Variants in TMEM132D observed in about 807,000 individuals in gnomAD.
TMEM132D encodes mature OL transmembrane protein.
Under a neutral mutation model 62.3 loss-of-function variants are expected in TMEM132D, and 21 were observed. The observed-to-expected ratio is 0.34, with a 90% CI of 0.24 to 0.49. The LOEUF (loss-of-function observed/expected upper bound fraction) is 0.49, where lower values mean the gene tolerates loss of function less well. Ranked by LOEUF, TMEM132D falls within the 20% of genes least tolerant of loss-of-function variation. TMEM132D has a pLI of 0.99. For synonymous variants in TMEM132D, 621 were observed against 575.6 expected, an observed-to-expected ratio of 1.08 and a Z score of -1.13; for missense variants, 1,346 against 1,402.8, an observed-to-expected ratio of 0.96 and a Z score of 0.65.
At chr12:129,801,389 C>A (rs1179548942) in intron 1 of TMEM132D, among the ~76,000 whole-genome samples, 5 of 151,526 alleles carry the variant, frequency 3.3e-5, no homozygotes, top group Non-Finnish European at 5.9e-5. Flanking sequence ...CCCTGACCCC[C>A]GAGCAGCCTA....
chr12:129,823,434 G>A (rs138302797), intron 1 of TMEM132D, among the ~76,000 whole-genome samples: 11 of 152,326 alleles, frequency 7.2e-5, no homozygotes, highest in Middle Eastern at 3.4e-3. Flanking sequence ...GGCGCAGTAC[G>A]CCCCTTTCAT....
At chr12:129,099,521 T>C (rs1306595226) in intron 5 of TMEM132D, among the ~76,000 whole-genome samples, 1 of 152,188 alleles carries the variant, frequency 6.6e-6, no homozygotes, top group East Asian at 1.9e-4. Context: ...GAAGCCAGCC[T>C]CTGTGTCATG....
intron 3 of TMEM132D, among the ~76,000 whole-genome samples, chr12:129,515,622 T>C (rs1875650403): frequency 6.6e-6 from 1 of 152,210 alleles, no homozygotes; most frequent in Admixed American, 6.5e-5. Flanking sequence ...CATAAAGGAA[T>C]TCTCTGACCT....
intron 2 of TMEM132D, among the ~76,000 whole-genome samples, chr12:129,542,878 T>A (rs1205793270): frequency 6.6e-6 from 1 of 152,072 alleles, no homozygotes; most frequent in Non-Finnish European, 1.5e-5. Flanking sequence ...TTTACCATTG[T>A]GTTACAGTTA....
At chr12:129,230,945 C>T (rs1334487773) in intron 4 of TMEM132D, among the ~76,000 whole-genome samples, 1 of 152,218 alleles carries the variant, frequency 6.6e-6, no homozygotes, top group African/African-American at 2.4e-5. Context: ...AGCCACTTCC[C>T]TCCATTCCAT....
chr12:129,266,539 C>A (rs996981224), intron 4 of TMEM132D, among the ~76,000 whole-genome samples: 1 of 148,382 alleles, frequency 6.7e-6, no homozygotes, highest in African/African-American at 2.5e-5. Context: ...CCCCTCTCCT[C>A]TCTATCCTTC....
At chr12:129,578,759 C>T (rs994553814) in intron 2 of TMEM132D, among the ~76,000 whole-genome samples, 5 of 152,052 alleles carry the variant, frequency 3.3e-5, no homozygotes, top group Admixed American at 6.5e-5. Context: ...GGGCAGGAGA[C>T]GACTGATGTC....
At chr12:129,481,039 T>C (rs999705664) in intron 3 of TMEM132D, among the ~76,000 whole-genome samples, 1 of 151,954 alleles carries the variant, frequency 6.6e-6, no homozygotes, top group Admixed American at 6.6e-5. Context: ...CACACAGGAA[T>C]GTGAATCAGC....
At chr12:129,680,712 G>A (rs1250220440) in intron 2 of TMEM132D, among the ~76,000 whole-genome samples, 1 of 152,196 alleles carries the variant, frequency 6.6e-6, no homozygotes, top group South Asian at 2.1e-4. Context: ...TAGTTACAGA[G>A]GTGCTGGAAT....
chr12:129,762,034 G>T (rs542765315), intron 1 of TMEM132D, among the ~76,000 whole-genome samples: 2 of 152,266 alleles, frequency 1.3e-5, no homozygotes, highest in Admixed American at 6.5e-5. Flanking sequence ...ACTCCAGCCT[G>T]CAGATAAAGA....
chr12:129,592,747 C>T (rs1878228972), intron 2 of TMEM132D, among the ~76,000 whole-genome samples: 2 of 152,084 alleles, frequency 1.3e-5, no homozygotes. Flanking sequence ...ACAGTGTGTG[C>T]TATGTGAACG....
At chr12:129,354,828 G>A (rs1041135436) in intron 3 of TMEM132D, among the ~76,000 whole-genome samples, 1 of 152,174 alleles carries the variant, frequency 6.6e-6, no homozygotes, top group Non-Finnish European at 1.5e-5. Context: ...ACAGCAGAAT[G>A]TCCACTCTTG....
chr12:129,143,366 C>A (rs955329714), intron 5 of TMEM132D, among the ~76,000 whole-genome samples: 1 of 152,162 alleles, frequency 6.6e-6, no homozygotes. Flanking sequence ...AGCTTTCATG[C>A]TTTCCCAGGA....
chr12:129,644,965 G>A (rs1166308759), intron 2 of TMEM132D, among the ~76,000 whole-genome samples: 1 of 126,824 alleles, frequency 7.9e-6, no homozygotes, highest in African/African-American at 3.0e-5. Flanking sequence ...CAGCCTGGGT[G>A]ACAGAGCAAT....
chr12:129,551,692 A>C (rs1366097620), intron 2 of TMEM132D, among the ~76,000 whole-genome samples: 1 of 151,620 alleles, frequency 6.6e-6, no homozygotes. Flanking sequence ...CCAAACACAA[A>C]CCTCTCTCTT....
intron 3 of TMEM132D, among the ~76,000 whole-genome samples, chr12:129,448,344 A>C (rs947544046): frequency 1.3e-5 from 2 of 152,072 alleles, no homozygotes; most frequent in Non-Finnish European, 2.9e-5. Context: ...AGTACCCACT[A>C]GTTATTTTTC....
At chr12:129,223,347 A>G (rs1027215025) in intron 4 of TMEM132D, among the ~76,000 whole-genome samples, 1 of 152,076 alleles carries the variant, frequency 6.6e-6, no homozygotes. Flanking sequence ...TGCTCTTGGA[A>G]CTCAGTCACC....
intron 3 of TMEM132D, among the ~76,000 whole-genome samples, chr12:129,360,550 G>A (rs940556469): frequency 1.3e-5 from 2 of 152,158 alleles, no homozygotes; most frequent in Admixed American, 6.5e-5. Context: ...ATGGGATAGT[G>A]GGACAGGCTC....
At chr12:129,084,873 A>G (rs2135620425) in intron 5 of TMEM132D, 171 bp from the exon 6 acceptor site, 1 of 608,072 alleles carries the variant, frequency 1.6e-6, no homozygotes, top group Middle Eastern at 4.3e-4. Flanking sequence ...GTTGCTTTTG[A>G]GTAATAATAG....
Sources: gnomAD v4.1 joint callset for allele counts (sites outside exome capture counted in the v4.1 genomes callset) on GRCh38, gnomAD v4.1.1 for gene constraint, MANE v1.5 for transcripts, NCBI Gene and HGNC (gene_info 2026-07-23, HGNC 2026-07-21) for gene names.